Variants in LMBR1 observed in about 807,000 individuals in gnomAD.
LMBR1 encodes the protein limb development membrane protein 1.
LMBR1 carries 52 observed loss-of-function variants against 73.9 expected under a neutral mutation model. That is an observed-to-expected ratio of 0.70 (90% CI 0.56 to 0.89). LMBR1 has a LOEUF of 0.89. Ranked by LOEUF, LMBR1 falls within the 40% of genes least tolerant of loss-of-function variation. LMBR1 has a pLI of 0.00. For synonymous variants in LMBR1, 215 were observed against 209.4 expected (o/e 1.03, Z -0.23); for missense variants, 539 against 579.8 (o/e 0.93, Z 0.72).
chr7:156,799,939 G>A (rs1830659121), intron 4 of LMBR1, among the ~76,000 whole-genome samples: 2 of 152,166 alleles, frequency 1.3e-5, no homozygotes, highest in African/African-American at 2.4e-5. Flanking sequence ...GCCTGAGCAA[G>A]GTTGTAACTC....
chr7:156,701,942 G>A (rs1301755757), intron 15 of LMBR1, among the ~76,000 whole-genome samples: 9 of 152,078 alleles, frequency 5.9e-5, no homozygotes, highest in Non-Finnish European at 1.2e-4. Flanking sequence ...TCCATATCCA[G>A]GCAAAGGACA....
At chr7:156,746,488 A>G (rs1011065347) in intron 9 of LMBR1, among the ~76,000 whole-genome samples, 1 of 152,210 alleles carries the variant, frequency 6.6e-6, no homozygotes, top group East Asian at 1.9e-4. Flanking sequence ...GATTCTTCAA[A>G]GGAAAATAAC....
chr7:156,770,300 C>CGCA (rs1357117088), intron 5 of LMBR1, among the ~76,000 whole-genome samples: 4 of 151,898 alleles, frequency 2.6e-5, no homozygotes, highest in Non-Finnish European at 4.4e-5. Flanking sequence ...ATTACAAGTG[C>CGCA]GCACCACCCT....
chr7:156,775,160 T>C (rs999305432), intron 5 of LMBR1, among the ~76,000 whole-genome samples: 2 of 151,840 alleles, frequency 1.3e-5, no homozygotes, highest in Non-Finnish European at 2.9e-5. Context: ...TTGAGGTCAG[T>C]AGTTCAAGAC....
intron 15 of LMBR1, among the ~76,000 whole-genome samples, chr7:156,701,024 A>C (rs573805239): frequency 6.6e-6 from 1 of 152,202 alleles, no homozygotes; most frequent in African/African-American, 2.4e-5. Flanking sequence ...AAACCATCAG[A>C]TCTCATGAGA....
chr7:156,672,044 G>A (rs1322646673), intron 4 of LMBR1, among the ~76,000 whole-genome samples: 2 of 150,478 alleles, frequency 1.3e-5, no homozygotes, highest in Admixed American at 6.6e-5. Context: ...TTTCTTCTGT[G>A]GAATCAAACA....
chr7:156,697,697 T>G (rs565521729), intron 15 of LMBR1, among the ~76,000 whole-genome samples: 1 of 152,342 alleles, frequency 6.6e-6, no homozygotes, highest in Non-Finnish European at 1.5e-5. Context: ...TCAGACCTTA[T>G]GGTTGTCTTC....
chr7:156,732,699 A>G (rs1332627844), intron 10 of LMBR1, among the ~76,000 whole-genome samples: 1 of 152,194 alleles, frequency 6.6e-6, no homozygotes. Context: ...GAATCTGTGG[A>G]AGGGTCTTGC....
At chr7:156,675,142 A>T (rs1464855167), downstream of LMBR1, among the ~76,000 whole-genome samples, 1 of 152,136 alleles carries the variant, frequency 6.6e-6, no homozygotes, top group Non-Finnish European at 1.5e-5. Context: ...GGCGACCCGA[A>T]GGGGCAGCGG....
downstream of LMBR1, chr7:156,675,747 G>A: frequency 6.2e-7 from 1 of 1,613,922 alleles, no homozygotes; most frequent in Non-Finnish European, 8.5e-7. Flanking sequence ...CAACATTGAA[G>A]AGCTCTTTGC....
chr7:156,706,359 GA>G (rs982296121), intron 15 of LMBR1, among the ~76,000 whole-genome samples: 2 of 151,654 alleles, frequency 1.3e-5, no homozygotes, highest in African/African-American at 4.8e-5. Context: ...AGCTTATCGA[GA>G]AAAAAAATCA....
chr7:156,868,217 G>T (rs558518298), intron 1 of LMBR1, among the ~76,000 whole-genome samples: 4 of 144,456 alleles, frequency 2.8e-5, no homozygotes, highest in African/African-American at 5.1e-5. Flanking sequence ...TTTTTGAGAC[G>T]ACGTCTCACT....
At chr7:156,676,709 T>C, downstream of LMBR1, 1 of 1,321,102 alleles carries the variant, frequency 7.6e-7, no homozygotes, top group Non-Finnish European at 1.1e-6. Context: ...TACCATCATT[T>C]TGGATGAACT....
In LMBR1 at chr7:156,850,259, C is replaced by G. The variant is rs575634798; in HGVS notation, c.67-13374G>C. 6.6e-5 allele frequency among the ~76,000 whole-genome samples: 10 copies of G among 152,270 alleles called. No individual in the cohort carries two copies. In the South Asian group the frequency reaches 2.1e-3, roughly 32 times the overall value. On this transcript the variant is annotated intron_variant, in intron 1 of 16. Coordinates refer to ENST00000353442, the MANE Select transcript of LMBR1 (RefSeq NM_022458.4). ...TTCTGCCTTCCACCATGGGATGATA[C>G]AACACAAAGGCCCTTGCCAGATGCC... is the stretch of plus-strand genomic sequence containing the variant.
chr7:156,673,534 A>C (rs1803074155), downstream of LMBR1, among the ~76,000 whole-genome samples: 1 of 152,208 alleles, frequency 6.6e-6, no homozygotes, highest in African/African-American at 2.4e-5. Context: ...TTCAGAGTGA[A>C]AGAGAATTTG....
intron 1 of LMBR1, among the ~76,000 whole-genome samples, chr7:156,839,885 A>C (rs1838343524): frequency 6.6e-6 from 1 of 152,244 alleles, no homozygotes; most frequent in Admixed American, 6.5e-5. Flanking sequence ...TCTGGAGTGT[A>C]GAAGATGGGC....
chr7:156,891,216 AT>A (rs55698210), intron 1 of LMBR1, among the ~76,000 whole-genome samples: 3 of 40,038 alleles, frequency 7.5e-5, no homozygotes, highest in East Asian at 6.0e-4. Context: ...AAAAAAATAT[AT>A]ATATATATAT....
intron 5 of LMBR1, among the ~76,000 whole-genome samples, chr7:156,783,265 G>A (rs1004390356): frequency 6.6e-6 from 1 of 152,040 alleles, no homozygotes; most frequent in Non-Finnish European, 1.5e-5. Context: ...TCAAACTCCT[G>A]GGCTCAAGCA....
chr7:156,833,761 G>A lies in LMBR1; in HGVS notation c.171C>T (p.Asn57=). 6.3e-7 allele frequency: 1 copy of A among 1,599,818 alleles called. No individual in the cohort carries two copies. Among genetic ancestry groups the A allele is most frequent in the Non-Finnish European group, 8.5e-7 (1 of 1,172,994 alleles). Residue 57 remains asparagine, a synonymous_variant, in exon 3 of 17, where the codon AAC becomes AAT. Transcript: ENST00000353442. ...DEQEDEDAIV[N]RISLFLSTFT... ...AACTTTAAAATACATACGAAATCCT[G>A]TTGACGATGGCATCTTCATCTTCTT...
Sources: allele counts gnomAD v4.1 joint callset (sites outside exome capture counted in the v4.1 genomes callset), GRCh38; gene constraint gnomAD v4.1.1; transcripts MANE v1.5; gene names NCBI Gene and HGNC (gene_info 2026-07-23, HGNC 2026-07-21).